The following XYLT1 variants were observed in gnomAD, a reference collection of about 807,000 sequenced individuals.
XYLT1 encodes the protein beta-D-xylosyltransferase 1.
XYLT1 carries 36 observed loss-of-function variants against 91.3 expected under a neutral mutation model. The ratio of observed to expected loss-of-function variants is 0.39; its 90% confidence interval spans 0.30 to 0.52. The LOEUF is 0.52. XYLT1 is among the 20% of genes least tolerant of loss of function. The probability of loss-of-function intolerance (pLI) is 0.68; values close to 1 mark genes in which losing one functional copy is unlikely to be tolerated. For missense variants in XYLT1, 1,242 were observed against 1,284.5 expected, an observed-to-expected ratio of 0.97 and a Z score of 0.51; for synonymous variants, 588 against 532.0, an observed-to-expected ratio of 1.11 and a Z score of -1.45.
chr16:17,442,263 T>A (rs1301920209), intron 1 of XYLT1, among the ~76,000 whole-genome samples: 2 of 152,162 alleles, frequency 1.3e-5, no homozygotes, highest in African/African-American at 4.8e-5. Context: ...TATGCGTGTG[T>A]CTCATATACA....
At chr16:17,225,566 C>A (rs547668690) in intron 3 of XYLT1, among the ~76,000 whole-genome samples, 4 of 151,024 alleles carry the variant, frequency 2.6e-5, no homozygotes, top group Non-Finnish European at 5.9e-5. Flanking sequence ...CTGCTTGAAG[C>A]GTTTCAGGAA....
At chr16:17,170,374 C>T (rs976379706) in intron 5 of XYLT1, among the ~76,000 whole-genome samples, 2 of 152,230 alleles carry the variant, frequency 1.3e-5, no homozygotes, top group Admixed American at 6.5e-5. Flanking sequence ...TGTTCCCCAA[C>T]TGTCCAGCAC....
chr16:17,279,852 C>T (rs1017171491), intron 2 of XYLT1, among the ~76,000 whole-genome samples: 6 of 152,224 alleles, frequency 3.9e-5, no homozygotes, highest in Non-Finnish European at 8.8e-5. Flanking sequence ...AGGCAGAGGA[C>T]ACCTTGGGCA....
At chr16:17,321,342 CTTTTTTTTTTTTTTTTTT>C (rs10606202) in intron 2 of XYLT1, among the ~76,000 whole-genome samples, 287 of 43,644 alleles carry the variant, frequency 6.6e-3, no homozygotes, top group African/African-American at 0.018. Flanking sequence ...ACTAACTAGC[CTTTTTTTTTTTTTTTTTT>C]TTTTTTTTTT....
rs147532227 is a variant in XYLT1 at position 17,361,190 on chromosome 16, A to G, written c.364-3140T>C. Among the ~76,000 whole-genome samples the G allele has an allele frequency of 4.6e-5, 7 of 152,306 alleles. No individual in the cohort carries two copies. In the South Asian group the frequency reaches 1.2e-3, roughly 27 times the overall value. On this transcript the variant is annotated intron_variant, in intron 1 of 11. Coordinates refer to ENST00000261381, the MANE Select transcript of XYLT1 (RefSeq NM_022166.4). ...AAGCTTGAAATATGCTTAGGTGATC[A>G]AGTGTGGCCTACTGTGTTTTTGCCA...
chr16:17,208,624 G>A (rs377506336), intron 3 of XYLT1, among the ~76,000 whole-genome samples: 5 of 152,096 alleles, frequency 3.3e-5, no homozygotes, highest in Admixed American at 6.5e-5. Flanking sequence ...AGAATTTTCC[G>A]CTTGTAGCAT....
At chr16:17,216,197 G>A (rs1378545995) in intron 3 of XYLT1, among the ~76,000 whole-genome samples, 1 of 152,100 alleles carries the variant, frequency 6.6e-6, no homozygotes, top group Admixed American at 6.5e-5. Flanking sequence ...TCTCTTGAAG[G>A]GACTCGCAGG....
chr16:17,155,730 G>T (rs991169250), intron 6 of XYLT1, among the ~76,000 whole-genome samples: 1 of 152,194 alleles, frequency 6.6e-6, no homozygotes, highest in African/African-American at 2.4e-5. Flanking sequence ...GGACTCACAC[G>T]CAAGAGTTGG....
rs757280844 is a variant in XYLT1, at chr16:17,400,328, C to T, written c.364-42278G>A. On this transcript the variant is annotated intron_variant, in intron 1 of 11. Transcript: ENST00000261381. ...TTTAGGGGCTGGGCGCCATGGCTCA[C>T]ACCTGTAATCCCAGCACTTTGGGAG... Among the ~76,000 whole-genome samples the T allele has an allele frequency of 3.0e-4, 45 of 152,278 alleles. 1 individual carries two copies. The highest frequency in any genetic ancestry group is 1.7e-3 in the East Asian group (9 of 5,178).
chr16:17,371,704 G>A (rs1226336831), intron 1 of XYLT1, among the ~76,000 whole-genome samples: 1 of 152,212 alleles, frequency 6.6e-6, no homozygotes, highest in African/African-American at 2.4e-5. Flanking sequence ...TGTGGTGGCA[G>A]GTGCAGCATA....
chr16:17,127,734 C>T lies in XYLT1; in HGVS notation c.2155G>A (p.Val719Met). The T allele has an allele frequency of 2.5e-6, 4 of 1,614,182 alleles. No individual in the cohort carries two copies. The highest frequency in any genetic ancestry group is 1.6e-4 in the Middle Eastern group (1 of 6,062). The change falls in exon 10 of 12, where the codon GTG becomes ATG. Residue 719 changes from valine (V) to methionine (M), a missense_variant. This residue lies in a region of XYLT1 where 511 missense variants were observed against 497.0 expected (regional missense o/e 1.03). Coordinates refer to ENST00000261381, the MANE Select transcript of XYLT1 (RefSeq NM_022166.4). The part of the protein sequence containing the change: ...VSKLETLETW[V>M]MPKKVFKIAS... ...ATCTTGAAGACTTTTTTCGGCATCA[C>T]CCAGGTCTCCAGAGTCTCTAGTTTG...
At chr16:17,136,673 T>C (rs1051507307) in intron 8 of XYLT1, among the ~76,000 whole-genome samples, 3 of 152,018 alleles carry the variant, frequency 2.0e-5, no homozygotes, top group African/African-American at 7.2e-5. Flanking sequence ...AGCTGGATCT[T>C]CTAACAAACA....
chr16:17,153,690 C>T (rs924798819), intron 6 of XYLT1, among the ~76,000 whole-genome samples: 3 of 152,248 alleles, frequency 2.0e-5, no homozygotes, highest in Middle Eastern at 3.4e-3. Context: ...TTTGTTGATA[C>T]ACATAAGATC....
chr16:17,127,901 G>A (rs367547959), intron 9 of XYLT1, 40 bp from the exon 10 acceptor site: 83 of 1,584,198 alleles, frequency 5.2e-5, no homozygotes, highest in Non-Finnish European at 6.4e-5. Flanking sequence ...CCCAAGGTGT[G>A]TAGGATCACA....
At chr16:17,141,413 G>T (rs2030971440) in intron 6 of XYLT1, 44 bp from the exon 7 acceptor site, 1 of 1,577,744 alleles carries the variant, frequency 6.3e-7, no homozygotes, top group Non-Finnish European at 8.7e-7. Context: ...TGTCCTGAAA[G>T]ACAGAACTCC....
At chr16:17,465,870 C>T (rs915342548) in intron 1 of XYLT1, among the ~76,000 whole-genome samples, 1 of 152,158 alleles carries the variant, frequency 6.6e-6, no homozygotes, top group African/African-American at 2.4e-5. Flanking sequence ...ACATTTCATC[C>T]TCATACAGCC....
chr16:17,442,766 C>G (rs1208882624), intron 1 of XYLT1, among the ~76,000 whole-genome samples: 1 of 152,226 alleles, frequency 6.6e-6, no homozygotes, highest in Non-Finnish European at 1.5e-5. Flanking sequence ...CAGCTTTCTG[C>G]ATCCTCATTC....
At chr16:17,230,463 G>C (rs180691717) in intron 3 of XYLT1, among the ~76,000 whole-genome samples, 51 of 152,258 alleles carry the variant, frequency 3.3e-4, no homozygotes, top group African/African-American at 9.9e-4. Flanking sequence ...TAAGCCTTCC[G>C]TGAGCAGTAG....
At chr16:17,304,478 GACC>G (rs1369774241) in intron 2 of XYLT1, among the ~76,000 whole-genome samples, 1 of 26,816 alleles carries the variant, frequency 3.7e-5, no homozygotes, top group East Asian at 4.1e-4. Flanking sequence ...CAGGGATTTG[GACC>G]ATTTGGACCG....
Sources: allele counts gnomAD v4.1 joint callset (sites outside exome capture counted in the v4.1 genomes callset), GRCh38; gene constraint gnomAD v4.1.1; regional missense constraint gnomAD v4.1.1; transcripts MANE v1.5; gene names NCBI Gene and HGNC (gene_info 2026-07-23, HGNC 2026-07-21).